The following SSUH2 variants were observed in gnomAD, a reference collection of about 807,000 sequenced individuals.
SSUH2 encodes protein SSUH2 homolog.
SSUH2 carries 47 observed loss-of-function variants against 55.3 expected under a neutral mutation model. That is an observed-to-expected ratio of 0.85 (90% confidence interval 0.67 to 1.08). The LOEUF is 1.08. Among genes scored for constraint, SSUH2 ranks in the 50% least tolerant of loss-of-function variants. SSUH2 has a pLI of 0.00. For synonymous variants in SSUH2, 212 were observed against 191.5 expected (o/e 1.11, Z -0.89); for missense variants, 535 against 490.7 (o/e 1.09, Z -0.85).
intron 5 of SSUH2, among the ~76,000 whole-genome samples, chr3:8,669,221 G>A (rs1704282461): frequency 6.6e-6 from 1 of 152,162 alleles, no homozygotes; most frequent in African/African-American, 2.4e-5. Context: ...GGACACAGGA[G>A]CCAACCTAAA....
At chr3:8,633,905 G>A in intron 3 of SSUH2, 110 bp from the exon 4 acceptor site, 1 of 1,614,000 alleles carries the variant, frequency 6.2e-7, no homozygotes, top group Non-Finnish European at 8.5e-7. Flanking sequence ...CACGGTAGTG[G>A]TAAAGCCCTC....
At chr3:8,675,794 C>G (rs574817200) in intron 3 of SSUH2, among the ~76,000 whole-genome samples, 23 of 152,206 alleles carry the variant, frequency 1.5e-4, no homozygotes, top group Admixed American at 7.8e-4. Context: ...AGTCTTTCAT[C>G]AGTTAAAGGA....
chr3:8,671,764 A>T (rs1704591786), intron 4 of SSUH2: 1 of 152,052 alleles, frequency 6.6e-6, no homozygotes, highest in Non-Finnish European at 1.5e-5. Flanking sequence ...GTGGTAGTAG[A>T]CAAAAGATCC....
chr3:8,626,245 G>C lies in SSUH2; in HGVS notation c.751C>G (p.Gln251Glu), dbSNP rs1200472034. ...KGEKKLLHFI[Q>E]LVIMWKNSLF... The stretch of plus-strand genomic sequence containing the variant: ...GCCACATACCACATGATGACAAGCT[G>C]GATGAAGTGCAACAGCTTCTTCTCC... Residue 251 changes from glutamine (Q) to glutamate (E), a missense_variant, in exon 9 of 12, where the codon CAG (glutamine) becomes GAG (glutamate). Transcript: ENST00000544814. 6.2e-7 allele frequency: 1 copy of C among 1,614,010 alleles called. No homozygotes were observed. The highest frequency in any genetic ancestry group is 1.7e-4 in the Middle Eastern group (1 of 6,058).
At position 8,635,458 on chromosome 3, in the gene SSUH2, C is replaced by T. The variant is rs150771837; in HGVS notation, c.128-77G>A. On this transcript the variant is annotated intron_variant, in intron 2 of 11. Transcript: ENST00000544814. Reference sequence around the variant, plus strand: ...ATTTGTGTGGTGGAAGAAGGAAAGACTGATTGAATGTGAGAAAGAACAGAT... The same window carrying T: ...ATTTGTGTGGTGGAAGAAGGAAAGATTGATTGAATGTGAGAAAGAACAGAT... The T allele has an allele frequency of 5.8e-3, 6,263 of 1,084,482 alleles. 18 individuals are homozygous for T. Among genetic ancestry groups the T allele is most frequent in the Non-Finnish European group, 7.2e-3 (5,414 of 750,658 alleles). The allele number at this position is 1,084,482 out of a possible 1,614,324, so 67.2% of individuals were successfully genotyped here.
intron 3 of SSUH2, among the ~76,000 whole-genome samples, chr3:8,675,644 T>G (rs1705160789): frequency 6.6e-6 from 1 of 152,114 alleles, no homozygotes; most frequent in Non-Finnish European, 1.5e-5. Flanking sequence ...AGAGCAGAAG[T>G]CAGGCGAGAG....
At chr3:8,629,612 C>G (rs1389314759) in intron 7 of SSUH2, 52 bp downstream of exon 7, 6 of 679,156 alleles carry the variant, frequency 8.8e-6, no homozygotes, top group South Asian at 8.2e-5. Context: ...TCCCCAGGAT[C>G]CCCCGGCCAC....
chr3:8,654,071 A>G (rs2125333108), intron 7 of SSUH2, among the ~76,000 whole-genome samples: 1 of 152,322 alleles, frequency 6.6e-6, no homozygotes, highest in East Asian at 1.9e-4. Flanking sequence ...CACCATTTGG[A>G]TGGCTGGAAT....
chr3:8,634,014 C>T (rs1699437462), intron 3 of SSUH2: 2 of 1,500,390 alleles, frequency 1.3e-6, no homozygotes, highest in Admixed American at 2.0e-5. Context: ...CAGCCAAAAA[C>T]ACTTTAGTTG....
At chr3:8,652,662 C>T (rs1702543058) in intron 7 of SSUH2, among the ~76,000 whole-genome samples, 1 of 152,222 alleles carries the variant, frequency 6.6e-6, no homozygotes, top group Non-Finnish European at 1.5e-5. Context: ...CAGCCTTAGC[C>T]CTCACATGTT....
rs2125136159 is a variant in SSUH2, at chr3:8,628,939, T to C, written c.588+725A>G. On this transcript the variant is annotated intron_variant, in intron 7 of 11. Coordinates refer to ENST00000544814, the MANE Select transcript of SSUH2 (RefSeq NM_001256748.3). ...GGCACGTTCTCCGCTCACTGCAAGC[T>C]CTGCCTCCTGGGTTCACGCCTGTCT... 1.3e-5 allele frequency among the ~76,000 whole-genome samples: 2 copies of C among 152,372 alleles called. 1 individual carries two copies.
Position 8,661,017 on chromosome 3 carries a change from T to C in SSUH2, c.-395-2004A>G, listed in dbSNP as rs186619279. On this transcript the variant is annotated intron_variant, in intron 6 of 18. Transcript: ENST00000317371. ...GGATGTGAAGGGTAAAGGGTGACTCTGGAAGAATGGATGAAGCTGTCCAGC... is the reference window on the plus strand; with the variant it reads ...GGATGTGAAGGGTAAAGGGTGACTCCGGAAGAATGGATGAAGCTGTCCAGC... Among the ~76,000 whole-genome samples, 13 of 152,366 alleles carry C rather than the reference T, an allele frequency of 8.5e-5. No homozygotes were observed. In the East Asian group the frequency reaches 2.5e-3, roughly 29 times the overall value.
chr3:8,633,519 T>G, intron 4 of SSUH2, 147 bp downstream of exon 4: 2 of 561,446 alleles, frequency 3.6e-6, no homozygotes, highest in Non-Finnish European at 5.8e-6. Context: ...GCAGATGGGA[T>G]TCAACATCAC....
intron 6 of SSUH2, chr3:8,659,790 T>A (rs1429076823): frequency 6.6e-6 from 3 of 456,384 alleles, no homozygotes; most frequent in Non-Finnish European, 1.3e-5. Context: ...GATATGGAGA[T>A]TCATCAGATA....
At chr3:8,659,057 C>T (rs139012151) in intron 6 of SSUH2, 2 of 150,470 alleles carry the variant, frequency 1.3e-5, no homozygotes, top group East Asian at 3.9e-4. Flanking sequence ...GTCACCTGCC[C>T]AGAGTCACAC....
At position 8,678,951 on chromosome 3, in the gene SSUH2, TC is replaced by T. The variant is rs1161255613; in HGVS notation, c.-901+753del. 1.2e-4 allele frequency among the ~76,000 whole-genome samples: 13 copies of T among 104,380 alleles called. 1 individual carries two copies. The highest frequency in any genetic ancestry group is 3.5e-4 in the South Asian group (1 of 2,834). 68.5% of individuals were successfully genotyped at this position (104,380 alleles called of 152,430 possible). ...AGCCAGCCACTCTTCCCCTCCTGGC[TC>T]TTGGGACGCCCATCGCAGGGCGGAG... On this transcript the variant is annotated intron_variant, in intron 2 of 18. Coordinates refer to the SSUH2 transcript ENST00000317371.
At chr3:8,668,893 A>G (rs1315900151) in intron 5 of SSUH2, among the ~76,000 whole-genome samples, 3 of 151,264 alleles carry the variant, frequency 2.0e-5, no homozygotes, top group African/African-American at 4.9e-5. Flanking sequence ...ACGTTTTACA[A>G]CCATTCAGCC....
At chr3:8,675,579 G>A (rs183095524) in intron 3 of SSUH2, among the ~76,000 whole-genome samples, 4 of 123,342 alleles carry the variant, frequency 3.2e-5, no homozygotes, top group African/African-American at 8.7e-5. Flanking sequence ...CACAGGGGTC[G>A]GAACGCAGCC....
upstream of SSUH2, among the ~76,000 whole-genome samples, chr3:8,648,722 C>A (rs1037218352): frequency 2.6e-5 from 4 of 152,260 alleles, no homozygotes; most frequent in East Asian, 5.8e-4. Flanking sequence ...AGCTGAGGCC[C>A]CTCTTGGAAG....
Sources: allele counts gnomAD v4.1 joint callset (sites outside exome capture counted in the v4.1 genomes callset), GRCh38; gene constraint gnomAD v4.1.1; transcripts MANE v1.5; gene names NCBI Gene and HGNC (gene_info 2026-07-23, HGNC 2026-07-21).